CEP128: variants seen among roughly 807,000 people sequenced by gnomAD.
CEP128 encodes the protein centrosomal protein 128, also known as centrosomal protein 128kDa.
In CEP128, 132 loss-of-function variants were observed where a neutral mutation model predicts 156.7. That is an observed-to-expected ratio of 0.84 (90% confidence interval 0.73 to 0.97). The LOEUF is 0.97. Among genes scored for constraint, CEP128 ranks in the 50% least tolerant of loss-of-function variants. CEP128 has a pLI of 0.00. For synonymous variants in CEP128, 469 were observed against 448.9 expected, an observed-to-expected ratio of 1.04 and a Z score of -0.57; for missense variants, 1,252 against 1,281.9, an observed-to-expected ratio of 0.98 and a Z score of 0.36.
chr14:80,708,804 A>G (rs963440319), intron 19 of CEP128, among the ~76,000 whole-genome samples: 1 of 152,140 alleles, frequency 6.6e-6, no homozygotes, highest in African/African-American at 2.4e-5. Flanking sequence ...CTTCTGGCCC[A>G]TTTAAAATTA....
At chr14:80,529,694 G>A (rs1050083918) in intron 22 of CEP128, among the ~76,000 whole-genome samples, 4 of 152,082 alleles carry the variant, frequency 2.6e-5, no homozygotes, top group African/African-American at 9.7e-5. Flanking sequence ...CTATCACACT[G>A]GGTTGTTTAA....
chr14:80,715,081 G>A (rs1566873048), intron 19 of CEP128, among the ~76,000 whole-genome samples: 1 of 152,044 alleles, frequency 6.6e-6, no homozygotes, highest in African/African-American at 2.4e-5. Flanking sequence ...AAATTAGCTG[G>A]GAGTGGTGGT....
intron 21 of CEP128, among the ~76,000 whole-genome samples, chr14:80,534,602 G>A (rs1238149161): frequency 1.3e-5 from 2 of 152,138 alleles, no homozygotes; most frequent in Non-Finnish European, 2.9e-5. Flanking sequence ...GAGGCGGGTG[G>A]ATCATGAGGT....
At chr14:80,842,293 C>A (rs1017057933) in intron 9 of CEP128, among the ~76,000 whole-genome samples, 1 of 152,050 alleles carries the variant, frequency 6.6e-6, no homozygotes, top group East Asian at 1.9e-4. Context: ...TACTAAGGAA[C>A]AATCCAAAGC....
At chr14:80,725,986 A>G (rs1196438856) in intron 19 of CEP128, among the ~76,000 whole-genome samples, 1 of 152,322 alleles carries the variant, frequency 6.6e-6, no homozygotes, top group East Asian at 1.9e-4. Context: ...ATAAGGTACT[A>G]TCTATAAAAA....
At chr14:80,480,419 A>C (rs1272868906) in intron 14 of CEP128, among the ~76,000 whole-genome samples, 1 of 152,076 alleles carries the variant, frequency 6.6e-6, no homozygotes, top group Non-Finnish European at 1.5e-5. Context: ...CACCCTCTGA[A>C]GCCATAGCCC....
Position 80,906,027 on chromosome 14 carries a change from T to C in CEP128, c.289A>G (p.Arg97Gly). The change falls in exon 5 of 25, where the codon AGA becomes GGA. Residue 97 changes from arginine to glycine, a missense_variant. Transcript: ENST00000555265. ...GAAATACTTCTCCCTCCTGAGTTTC[T>C]CAATAAACGTTGACTCCGGAGTTGG... ...IDQLRSQRLL[R>G]NSGGRSISVT... 1 of 1,612,778 alleles carries C rather than the reference T, an allele frequency of 6.2e-7. No individual in the cohort carries two copies. Among genetic ancestry groups the C allele is most frequent in the East Asian group, 2.2e-5 (1 of 44,784 alleles).
chr14:80,596,027 G>C (rs1392607295), intron 19 of CEP128, among the ~76,000 whole-genome samples: 2 of 149,010 alleles, frequency 1.3e-5, no homozygotes, highest in Non-Finnish European at 3.0e-5. Context: ...ATTTGGGTGG[G>C]GACAGAGCCA....
At chr14:80,640,537 A>T (rs1017448921) in intron 19 of CEP128, among the ~76,000 whole-genome samples, 2 of 151,888 alleles carry the variant, frequency 1.3e-5, no homozygotes, top group African/African-American at 4.8e-5. Context: ...CAATTTTTCT[A>T]TTTTTTCCAC....
At chr14:80,564,443 G>T (rs969178925) in intron 20 of CEP128, among the ~76,000 whole-genome samples, 5 of 152,140 alleles carry the variant, frequency 3.3e-5, no homozygotes, top group African/African-American at 4.8e-5. Context: ...AAATTATTTT[G>T]GGGGAAGCCT....
chr14:80,813,635 T>C (rs1044454254), intron 13 of CEP128, among the ~76,000 whole-genome samples: 4 of 152,194 alleles, frequency 2.6e-5, no homozygotes, highest in Non-Finnish European at 4.4e-5. Context: ...TGTTAACATA[T>C]AAATTTGTAA....
chr14:80,943,887 G>A (rs10133019), upstream of CEP128, among the ~76,000 whole-genome samples: 6,622 of 151,836 alleles, frequency 0.044, 498 homozygotes, highest in African/African-American at 0.15. Flanking sequence ...CCAGCTATTC[G>A]GCAGGCTGAA....
At chr14:80,904,408 G>A (rs1222076420) in intron 6 of CEP128, among the ~76,000 whole-genome samples, 1 of 151,926 alleles carries the variant, frequency 6.6e-6, no homozygotes, top group Non-Finnish European at 1.5e-5. Flanking sequence ...ACAGACAGGA[G>A]GAATAGGTTT....
intron 9 of CEP128, among the ~76,000 whole-genome samples, chr14:80,849,228 T>C (rs1886766802): frequency 6.6e-6 from 1 of 152,232 alleles, no homozygotes; most frequent in African/African-American, 2.4e-5. Flanking sequence ...TGGTTATCTA[T>C]CTGTTTAAGA....
At chr14:80,834,348 C>T (rs185265903) in intron 12 of CEP128, among the ~76,000 whole-genome samples, 12 of 152,014 alleles carry the variant, frequency 7.9e-5, no homozygotes, top group African/African-American at 2.9e-4. Context: ...AGTAATGCAA[C>T]GACATCCTTG....
chr14:80,588,159 A>C (rs1045245728), intron 19 of CEP128, among the ~76,000 whole-genome samples: 1 of 152,124 alleles, frequency 6.6e-6, no homozygotes, highest in African/African-American at 2.4e-5. Context: ...TGAAATTTTT[A>C]GTGAATTTTT....
Position 80,916,538 on chromosome 14 carries a change from A to C in CEP128, c.10T>G (p.Ser4Ala). MAE[S>A]SSESDHFRCR... is the part of the protein sequence containing the mutation. ...CGGAAGTGATCTGATTCGCTGGATG[A>C]TTCTGCCATTGATGTACACAAATCC... Residue 4 changes from serine to alanine, a missense_variant, in exon 3 of 25, where the codon TCA (serine) becomes GCA (alanine). Coordinates refer to ENST00000555265, the MANE Select transcript of CEP128 (RefSeq NM_152446.5). The C allele has an allele frequency of 6.2e-7, 1 of 1,613,660 alleles. No homozygotes were observed. The highest frequency in any genetic ancestry group is 8.5e-7 in the Non-Finnish European group (1 of 1,179,804).
chr14:80,725,258 C>T (rs962755908), intron 19 of CEP128, among the ~76,000 whole-genome samples: 29 of 151,360 alleles, frequency 1.9e-4, no homozygotes, highest in African/African-American at 7.0e-4. Flanking sequence ...TCTCGGCTCA[C>T]TGCAACCTTC....
chr14:80,693,251 TA>T (rs1206498820), intron 19 of CEP128, among the ~76,000 whole-genome samples: 4 of 152,158 alleles, frequency 2.6e-5, no homozygotes, highest in Admixed American at 2.0e-4. Context: ...AAGTCCCCTG[TA>T]AAAAGGTATG....
Sources: allele counts gnomAD v4.1 joint callset (sites outside exome capture counted in the v4.1 genomes callset), GRCh38; gene constraint gnomAD v4.1.1; transcripts MANE v1.5; gene names NCBI Gene and HGNC (gene_info 2026-07-23, HGNC 2026-07-21).